Variants in CCDC191 observed in about 807,000 individuals in gnomAD.
CCDC191 encodes the protein coiled-coil domain containing 191, also known as coiled-coil domain-containing protein 191.
A neutral mutation model predicts 114.0 loss-of-function variants in CCDC191; 99 were observed. The ratio of observed to expected loss-of-function variants is 0.87; its 90% CI spans 0.74 to 1.03. The LOEUF (loss-of-function observed/expected upper bound fraction) is 1.03, where lower values mean the gene tolerates loss of function less well. Ranked by LOEUF, CCDC191 falls within the 50% of genes least tolerant of loss-of-function variation. The probability of loss-of-function intolerance (pLI) is 0.00; values close to 1 mark genes in which losing one functional copy is unlikely to be tolerated. For missense variants in CCDC191, 973 were observed against 1,087.0 expected (o/e 0.90, Z 1.47); for synonymous variants, 351 against 376.0 (o/e 0.93, Z 0.77).
At chr3:113,993,704 GT>G (rs1279627925) in intron 13 of CCDC191, among the ~76,000 whole-genome samples, 12 of 151,926 alleles carry the variant, frequency 7.9e-5, no homozygotes, top group Admixed American at 7.9e-4. Context: ...GGACAACCTG[GT>G]GAAACCACGT....
chr3:114,011,214 A>G (rs1387423579), intron 8 of CCDC191, among the ~76,000 whole-genome samples, 193 bp from the exon 9 acceptor site: 1 of 152,220 alleles, frequency 6.6e-6, no homozygotes, highest in African/African-American at 2.4e-5. Context: ...AGAAGGTGTC[A>G]GCACTTCAAC....
At chr3:114,002,385 G>C in intron 12 of CCDC191, 71 bp downstream of exon 12, 1 of 1,125,542 alleles carries the variant, frequency 8.9e-7, no homozygotes, top group South Asian at 1.5e-5. Context: ...GAAAAAGCAA[G>C]GTTTCATTTT....
chr3:114,054,948 T>C (rs1468689802), intron 1 of CCDC191, among the ~76,000 whole-genome samples: 2 of 152,010 alleles, frequency 1.3e-5, no homozygotes, highest in Non-Finnish European at 2.9e-5. Context: ...GCACTAAATC[T>C]CTTTTGGTTT....
chr3:114,036,894 G>T, intron 4 of CCDC191, 108 bp from the exon 5 acceptor site: 1 of 676,106 alleles, frequency 1.5e-6, no homozygotes, highest in Non-Finnish European at 2.2e-6. Flanking sequence ...ACAAAGCTGC[G>T]AGTGTTCAAT....
intron 15 of CCDC191, 144 bp from the exon 16 acceptor site, chr3:113,978,475 C>A (rs1307060256): frequency 7.5e-6 from 6 of 798,656 alleles, no homozygotes; most frequent in Non-Finnish European, 1.2e-5. Flanking sequence ...AACCTGGAAG[C>A]CAAGAAAATA....
chr3:113,998,395 T>C (rs146130891), intron 13 of CCDC191, among the ~76,000 whole-genome samples: 48 of 150,834 alleles, frequency 3.2e-4, no homozygotes, highest in Non-Finnish European at 6.2e-4. Flanking sequence ...ATCGCTATCA[T>C]AGGAGATGAC....
At chr3:114,029,323 GAATAA>G (rs2076371139) in intron 7 of CCDC191, among the ~76,000 whole-genome samples, 1 of 151,988 alleles carries the variant, frequency 6.6e-6, no homozygotes, top group African/African-American at 2.4e-5. Flanking sequence ...ATGACCCATA[GAATAA>G]AATAAATATC....
At chr3:114,022,690 C>T (rs1197915796) in intron 7 of CCDC191, among the ~76,000 whole-genome samples, 3 of 152,084 alleles carry the variant, frequency 2.0e-5, no homozygotes, top group African/African-American at 7.2e-5. Context: ...GGGAGCAATC[C>T]TCAACTTCTC....
chr3:114,053,425 C>G (rs755364308), intron 2 of CCDC191, among the ~76,000 whole-genome samples, 172 bp downstream of exon 2: 1 of 151,960 alleles, frequency 6.6e-6, no homozygotes, highest in South Asian at 2.1e-4. Flanking sequence ...TGAGAGGCAA[C>G]AGAATTATGA....
In CCDC191 at chr3:114,031,631, G is replaced by T; in HGVS notation, c.967C>A (p.Gln323Lys). 1.9e-6 allele frequency: 3 copies of T among 1,609,058 alleles called. No homozygotes were observed. Among genetic ancestry groups the T allele is most frequent in the South Asian group, 2.2e-5 (2 of 90,772 alleles). ...AGAGACATTGCAATTCCCACCTGTT[G>T]ATTTTCTTTGAAAGTTTGGATTAAT... ...EVLIQTFKEN[Q>K]QCQKRYFAAW... The change falls in exon 7 of 17, where the codon CAA becomes AAA. Residue 323 changes from glutamine to lysine, a missense_variant. Physicochemically the swap from Gln to Lys is moderately conservative, Grantham distance 53. Coordinates refer to ENST00000295878, the MANE Select transcript of CCDC191 (RefSeq NM_020817.2).
At chr3:114,038,559 A>T (rs974997661) in intron 4 of CCDC191, among the ~76,000 whole-genome samples, 12 of 152,202 alleles carry the variant, frequency 7.9e-5, no homozygotes, top group Admixed American at 7.9e-4. Flanking sequence ...GCTATTGTGA[A>T]GAGTGTGTGC....
At chr3:114,022,800 GA>G (rs901687816) in intron 7 of CCDC191, among the ~76,000 whole-genome samples, 5 of 151,878 alleles carry the variant, frequency 3.3e-5, no homozygotes, top group African/African-American at 1.2e-4. Flanking sequence ...TGAGGAAGGA[GA>G]AAAAAAATTA....
At chr3:114,051,061 C>T (rs1257804924) in intron 2 of CCDC191, among the ~76,000 whole-genome samples, 3 of 152,144 alleles carry the variant, frequency 2.0e-5, no homozygotes, top group Admixed American at 6.5e-5. Flanking sequence ...ATCTGTATTC[C>T]AACAGCTTTC....
intron 13 of CCDC191, chr3:113,984,518 T>C (rs2075285131): frequency 6.6e-6 from 1 of 152,110 alleles, no homozygotes; most frequent in Non-Finnish European, 1.5e-5. Flanking sequence ...ACTTGATGGG[T>C]AAAAAGGAAT....
Position 114,056,373 on chromosome 3 carries a change from T to C in CCDC191, c.90+4A>G, listed in dbSNP as rs1353555743. On this transcript the variant is annotated splice_donor_region_variant and intron_variant, in intron 1 of 16. Coordinates refer to ENST00000295878, the MANE Select transcript of CCDC191 (RefSeq NM_020817.2). ...CGCCCTCCAAAGCTCTCGATTGGGA[T>C]CACCTTGGGACTCGGCTTCCTTGTG... 6.2e-6 allele frequency: 10 copies of C among 1,613,872 alleles called. No homozygotes were observed. The highest frequency in any genetic ancestry group is 8.5e-6 in the Non-Finnish European group (10 of 1,179,930).
chr3:113,974,755 T>TTTAA (rs1941157208), intron 16 of CCDC191, among the ~76,000 whole-genome samples: 1 of 152,210 alleles, frequency 6.6e-6, no homozygotes, highest in African/African-American at 2.4e-5. Flanking sequence ...AATTTACCTG[T>TTTAA]TTAATTTCTT....
At chr3:114,013,108 TG>T (rs1559909114) in intron 8 of CCDC191, among the ~76,000 whole-genome samples, 1 of 151,652 alleles carries the variant, frequency 6.6e-6, no homozygotes, top group East Asian at 1.9e-4. Context: ...TAGCTGGGCG[TG>T]GTGGTGAGTG....
At chr3:114,047,447 A>G (rs184102918) in intron 2 of CCDC191, among the ~76,000 whole-genome samples, 8 of 152,314 alleles carry the variant, frequency 5.3e-5, no homozygotes, top group Non-Finnish European at 1.0e-4. Context: ...GGACTGCCTA[A>G]GCTCAGGAGT....
chr3:114,011,095 T>G (rs533765282), intron 8 of CCDC191, 74 bp from the exon 9 acceptor site: 1 of 1,485,204 alleles, frequency 6.7e-7, no homozygotes, highest in South Asian at 1.3e-5. Flanking sequence ...AAATGAAACA[T>G]AAGTCCAAAA....
Sources: gnomAD v4.1 joint callset for allele counts (sites outside exome capture counted in the v4.1 genomes callset) on GRCh38, gnomAD v4.1.1 for gene constraint, MANE v1.5 for transcripts, NCBI Gene and HGNC (gene_info 2026-07-23, HGNC 2026-07-21) for gene names.